The following CFAP299 variants were observed in gnomAD, a reference collection of about 807,000 sequenced individuals.
CFAP299 encodes the protein cilia and flagella associated protein 299.
A neutral mutation model predicts 27.0 loss-of-function variants in CFAP299; 21 were observed. The ratio of observed to expected loss-of-function variants is 0.78; its 90% CI spans 0.55 to 1.12. CFAP299 has a LOEUF of 1.12. Ranked by LOEUF, CFAP299 falls within the 50% of genes most tolerant of loss-of-function variation. The pLI, the probability that CFAP299 is intolerant of heterozygous loss-of-function variation, is 0.00. For missense variants in CFAP299, 310 were observed against 276.6 expected (o/e 1.12, Z -0.86); for synonymous variants, 104 against 98.1 (o/e 1.06, Z -0.36).
At chr4:80,606,828 T>C (rs201112554) in intron 3 of CFAP299, among the ~76,000 whole-genome samples, 1 of 151,736 alleles carries the variant, frequency 6.6e-6, no homozygotes, top group Non-Finnish European at 1.5e-5. Context: ...ATATGCTTTT[T>C]AAAAAAAAAT....
At chr4:80,573,772 T>A (rs1023723574) in intron 2 of CFAP299, among the ~76,000 whole-genome samples, 1 of 152,158 alleles carries the variant, frequency 6.6e-6, no homozygotes, top group Non-Finnish European at 1.5e-5. Flanking sequence ...GCACTTGTGG[T>A]GTATGAATTT....
At chr4:80,674,896 A>G (rs1426692758) in intron 3 of CFAP299, among the ~76,000 whole-genome samples, 1 of 152,110 alleles carries the variant, frequency 6.6e-6, no homozygotes, top group African/African-American at 2.4e-5. Flanking sequence ...TCTTTTCTAC[A>G]CTGTTTATTC....
chr4:80,338,437 G>C (rs1722270661), intron 1 of CFAP299, among the ~76,000 whole-genome samples: 1 of 152,094 alleles, frequency 6.6e-6, no homozygotes, highest in Admixed American at 6.5e-5. Flanking sequence ...GAGGTAGCAT[G>C]TTTAGTTAGA....
chr4:80,858,354 A>C (rs1171546202), intron 3 of CFAP299, among the ~76,000 whole-genome samples: 1 of 151,834 alleles, frequency 6.6e-6, no homozygotes, highest in Non-Finnish European at 1.5e-5. Context: ...CTTTCAAAAA[A>C]CCAGCTCCTG....
chr4:80,347,941 G>T (rs1379676453), intron 1 of CFAP299, among the ~76,000 whole-genome samples: 1 of 152,068 alleles, frequency 6.6e-6, no homozygotes, highest in Non-Finnish European at 1.5e-5. Flanking sequence ...CAGAGCAACA[G>T]AACAGAATAG....
intron 3 of CFAP299, among the ~76,000 whole-genome samples, chr4:80,864,313 C>A (rs1732558091): frequency 6.6e-6 from 1 of 150,850 alleles, no homozygotes; most frequent in Admixed American, 6.6e-5. Flanking sequence ...CTGAAATAAA[C>A]CTAATTCTTC....
intron 3 of CFAP299, among the ~76,000 whole-genome samples, chr4:80,629,692 G>A (rs897260525): frequency 2.6e-5 from 4 of 151,764 alleles, no homozygotes; most frequent in Admixed American, 6.6e-5. Context: ...CCAGCTTGGC[G>A]AACATAGTGA....
intron 3 of CFAP299, among the ~76,000 whole-genome samples, chr4:80,593,828 G>C (rs1736912198): frequency 6.6e-6 from 1 of 152,240 alleles, no homozygotes; most frequent in East Asian, 1.9e-4. Flanking sequence ...AGGTGTTTCA[G>C]TGCTATACAT....
At chr4:80,702,675 C>A (rs1721573254) in intron 3 of CFAP299, among the ~76,000 whole-genome samples, 1 of 151,876 alleles carries the variant, frequency 6.6e-6, no homozygotes, top group African/African-American at 2.4e-5. Context: ...GAATGTGTCT[C>A]TGCAAATATT....
intron 2 of CFAP299, chr4:80,420,149 G>A (rs1206029323): frequency 2.2e-6 from 1 of 454,798 alleles, no homozygotes; most frequent in Non-Finnish European, 4.4e-6. Flanking sequence ...TGATGTAAAT[G>A]AAACCTCACA....
At chr4:80,689,809 A>G (rs1278426346) in intron 3 of CFAP299, among the ~76,000 whole-genome samples, 1 of 152,214 alleles carries the variant, frequency 6.6e-6, no homozygotes. Context: ...TCTCACATGC[A>G]GAGACACACA....
chr4:80,567,065 C>T (rs1457353545), intron 2 of CFAP299, among the ~76,000 whole-genome samples: 3 of 151,808 alleles, frequency 2.0e-5, no homozygotes, highest in African/African-American at 4.8e-5. Flanking sequence ...TAAAGTCTGA[C>T]TGATGTAAGA....
At chr4:80,393,251 A>C (rs1375235365) in intron 2 of CFAP299, among the ~76,000 whole-genome samples, 1 of 152,226 alleles carries the variant, frequency 6.6e-6, no homozygotes, top group African/African-American at 2.4e-5. Context: ...TTTAAGCTAA[A>C]TGTATTACAA....
chr4:80,372,975 C>T (rs1273406479), intron 2 of CFAP299, among the ~76,000 whole-genome samples: 1 of 152,216 alleles, frequency 6.6e-6, no homozygotes, highest in Non-Finnish European at 1.5e-5. Context: ...GCAAGTAGCA[C>T]TGCAACTGCA....
chr4:80,397,022 G>T (rs911043796), intron 2 of CFAP299, among the ~76,000 whole-genome samples: 19 of 152,058 alleles, frequency 1.2e-4, no homozygotes, highest in African/African-American at 4.1e-4. Flanking sequence ...GACTTTTTTT[G>T]GTTGGTAGGC....
chr4:80,774,472 A>C (rs1029072590), intron 3 of CFAP299, among the ~76,000 whole-genome samples: 18 of 152,080 alleles, frequency 1.2e-4, no homozygotes, highest in African/African-American at 4.3e-4. Flanking sequence ...ATGTATATAT[A>C]GTTAAAATTT....
intron 5 of CFAP299, among the ~76,000 whole-genome samples, chr4:80,959,939 C>T (rs1483236238): frequency 6.6e-6 from 1 of 151,674 alleles, no homozygotes; most frequent in East Asian, 1.9e-4. Flanking sequence ...AAAAAATAAA[C>T]ATATACATTA....
At chr4:80,698,579 C>A (rs1446822608) in intron 3 of CFAP299, among the ~76,000 whole-genome samples, 1 of 152,172 alleles carries the variant, frequency 6.6e-6, no homozygotes, top group Non-Finnish European at 1.5e-5. Context: ...ATATATCCTG[C>A]AAAATATTTC....
At chr4:80,872,635 AAGATATTAACAAACTGTTCTTTCCC>A in intron 4 of CFAP299, 1 of 152,340 alleles carries the variant, frequency 6.6e-6, no homozygotes, top group Admixed American at 6.5e-5. Context: ...TCACCAACAC[AAGATATTAACAAACTGTTCTTTCCC>A]ACTGTAGTGA....
Sources: gnomAD v4.1 joint callset for allele counts (sites outside exome capture counted in the v4.1 genomes callset) on GRCh38, gnomAD v4.1.1 for gene constraint, MANE v1.5 for transcripts, NCBI Gene and HGNC (gene_info 2026-07-23, HGNC 2026-07-21) for gene names.